The following SEMA6D variants were observed in gnomAD, a reference collection of about 807,000 sequenced individuals.
SEMA6D encodes semaphorin-6D.
Under a neutral mutation model 106.6 loss-of-function variants are expected in SEMA6D, and 35 were observed. The observed-to-expected ratio is 0.33, with a 90% CI of 0.25 to 0.44. The LOEUF (loss-of-function observed/expected upper bound fraction) is 0.44, where lower values mean the gene tolerates loss of function less well. Ranked by LOEUF, SEMA6D falls within the 20% of genes least tolerant of loss-of-function variation. SEMA6D has a pLI of 1.00. For missense variants in SEMA6D, 1,185 were observed against 1,345.9 expected, an observed-to-expected ratio of 0.88 and a Z score of 1.87; for synonymous variants, 499 against 487.7, an observed-to-expected ratio of 1.02 and a Z score of -0.31.
At chr15:47,648,782 A>G (rs994564807) in intron 4 of SEMA6D, among the ~76,000 whole-genome samples, 3 of 152,206 alleles carry the variant, frequency 2.0e-5, no homozygotes, top group Non-Finnish European at 4.4e-5. Context: ...AGTATTTAAT[A>G]TTAGAAGGTT....
intron 3 of SEMA6D, among the ~76,000 whole-genome samples, chr15:47,593,106 T>G (rs975512558): frequency 1.2e-4 from 18 of 152,184 alleles, no homozygotes; most frequent in African/African-American, 4.1e-4. Context: ...GTCTCATGAT[T>G]AGTCAAAAAA....
rs566399878 is a variant in SEMA6D, at chr15:47,768,450, G to T, written c.1766-131G>T. ...AAGGAATTTGATGTAGCTTCCTCAG[G>T]CGTGTTTTTACAAAATCCTAGAGCA... On this transcript the variant is annotated intron_variant, in intron 17 of 18. Transcript: ENST00000536845. 79 of 665,840 alleles carry T rather than the reference G, an allele frequency of 1.2e-4. No homozygotes were observed. In the South Asian group the frequency reaches 2.2e-3, roughly 18 times the overall value. 41.2% of individuals were successfully genotyped at this position (665,840 alleles called of 1,614,324 possible).
intron 1 of SEMA6D, among the ~76,000 whole-genome samples, chr15:47,342,136 T>C (rs1463627896): frequency 1.3e-5 from 2 of 152,146 alleles, no homozygotes; most frequent in Non-Finnish European, 2.9e-5. Flanking sequence ...GAGACTAATA[T>C]AAACAGTACA....
At chr15:47,208,534 A>G (rs900498645) in intron 1 of SEMA6D, among the ~76,000 whole-genome samples, 8 of 152,136 alleles carry the variant, frequency 5.3e-5, no homozygotes, top group African/African-American at 1.7e-4. Context: ...TACCCTCATC[A>G]TTACACTATA....
intron 2 of SEMA6D, among the ~76,000 whole-genome samples, chr15:47,437,144 T>C (rs1374914373): frequency 1.3e-5 from 2 of 152,026 alleles, no homozygotes; most frequent in East Asian, 3.9e-4. Flanking sequence ...TTCCTCACCA[T>C]GAAAAAGAAG....
intron 17 of SEMA6D, among the ~76,000 whole-genome samples, chr15:47,768,289 A>G (rs2082451052): frequency 6.6e-6 from 1 of 152,184 alleles, no homozygotes; most frequent in Admixed American, 6.5e-5. Context: ...TGCCCTGGGA[A>G]TTATATTACC....
rs2038896719 is a variant in SEMA6D, at chr15:47,363,597, AAG to A, written c.-238-48794_-238-48793del. ...ACAAAGCAAGTAGAATATTTGTAAA[AAG>A]AAAGTGGAATGAAAGTGCTGACCAG... On this transcript the variant is annotated intron_variant, in intron 1 of 19. Transcript: ENST00000558014. Among the ~76,000 whole-genome samples the A allele has an allele frequency of 3.3e-5, 5 of 152,306 alleles. No individual in the cohort carries two copies. The South Asian group carries it at 1.0e-3, about 32-fold the overall frequency.
chr15:47,478,054 A>G (rs1398828187), intron 3 of SEMA6D, among the ~76,000 whole-genome samples: 1 of 152,218 alleles, frequency 6.6e-6, no homozygotes, highest in African/African-American at 2.4e-5. Flanking sequence ...TAATAGCAGC[A>G]ATTAGGCAGC....
At chr15:47,507,541 T>C (rs1347474) in intron 3 of SEMA6D, among the ~76,000 whole-genome samples, 1,619 of 152,250 alleles carry the variant, frequency 0.011, 29 homozygotes, top group African/African-American at 0.037. Flanking sequence ...CGGAGGAGTA[T>C]TTATCATAAA....
At chr15:47,526,350 C>T (rs1196863191) in intron 3 of SEMA6D, among the ~76,000 whole-genome samples, 1 of 151,980 alleles carries the variant, frequency 6.6e-6, no homozygotes, top group African/African-American at 2.4e-5. Flanking sequence ...AAAGGGGGGT[C>T]CTTTTTGGGG....
intron 3 of SEMA6D, among the ~76,000 whole-genome samples, chr15:47,536,208 T>G (rs771524883): frequency 5.9e-5 from 9 of 152,170 alleles, no homozygotes; most frequent in Non-Finnish European, 1.2e-4. Flanking sequence ...CCATAAACTC[T>G]CTACAGCAAT....
intron 3 of SEMA6D, among the ~76,000 whole-genome samples, chr15:47,561,336 A>G (rs2046075611): frequency 6.6e-6 from 1 of 152,094 alleles, no homozygotes; most frequent in Non-Finnish European, 1.5e-5. Flanking sequence ...GACAACTTCA[A>G]TTGAGAGGAA....
intron 3 of SEMA6D, among the ~76,000 whole-genome samples, chr15:47,489,658 T>C (rs1405057728): frequency 6.9e-6 from 1 of 145,800 alleles, no homozygotes; most frequent in Non-Finnish European, 1.5e-5. Flanking sequence ...TACTTGCACA[T>C]TTTTTTTTTT....
intron 1 of SEMA6D, chr15:47,730,038 A>G (rs2080013727): frequency 8.3e-6 from 5 of 604,216 alleles, no homozygotes; most frequent in Admixed American, 8.1e-5. Flanking sequence ...CCTTAATGCT[A>G]TGTTTATCTT....
intron 1 of SEMA6D, among the ~76,000 whole-genome samples, chr15:47,204,067 T>A (rs1894889375): frequency 6.6e-6 from 1 of 152,174 alleles, no homozygotes; most frequent in African/African-American, 2.4e-5. Context: ...TCAGAGCAAC[T>A]GTAGAGAAGG....
intron 1 of SEMA6D, among the ~76,000 whole-genome samples, chr15:47,740,971 A>G (rs538170005): frequency 1.3e-5 from 2 of 152,344 alleles, no homozygotes; most frequent in African/African-American, 4.8e-5. Flanking sequence ...TGACTTTTTC[A>G]TAGAAACTTT....
chr15:47,615,875 G>A (rs1198555847), intron 4 of SEMA6D, among the ~76,000 whole-genome samples: 1 of 152,194 alleles, frequency 6.6e-6, no homozygotes, highest in Non-Finnish European at 1.5e-5. Flanking sequence ...CATGAGCTTT[G>A]CATTTTAAAT....
chr15:47,491,007 T>C (rs544957756), intron 3 of SEMA6D, among the ~76,000 whole-genome samples: 1 of 152,272 alleles, frequency 6.6e-6, no homozygotes, highest in East Asian at 1.9e-4. Flanking sequence ...AGTGGGAATG[T>C]AAACTGAAGC....
chr15:47,395,703 C>A (rs1431056795), intron 1 of SEMA6D: 1 of 152,162 alleles, frequency 6.6e-6, no homozygotes, highest in East Asian at 1.9e-4. Flanking sequence ...AAGACAAAGA[C>A]CAAATGCTGA....
Sources: allele counts gnomAD v4.1 joint callset (sites outside exome capture counted in the v4.1 genomes callset), GRCh38; gene constraint gnomAD v4.1.1; transcripts MANE v1.5; gene names NCBI Gene and HGNC (gene_info 2026-07-23, HGNC 2026-07-21).